Variants in IGSF10 observed in about 807,000 individuals in gnomAD.
The protein encoded by IGSF10 is immunoglobulin superfamily member 10, also known as calvaria mechanical force protein 608.
A neutral mutation model predicts 128.2 loss-of-function variants in IGSF10; 126 were observed. The ratio of observed to expected loss-of-function variants is 0.98; its 90% CI spans 0.85 to 1.14. The LOEUF is 1.14. Among genes scored for constraint, IGSF10 ranks in the 50% most tolerant of loss-of-function variants. The pLI, the probability that IGSF10 is intolerant of heterozygous loss-of-function variation, is 0.00. For synonymous variants in IGSF10, 1,185 were observed against 1,146.2 expected (o/e 1.03, Z -0.68); for missense variants, 3,295 against 3,149.8 (o/e 1.05, Z -1.10).
the IGSF10 span, among the ~76,000 whole-genome samples, chr3:151,541,893 A>G: frequency 3.3e-5 from 5 of 152,306 alleles, no homozygotes; most frequent in Admixed American, 2.6e-4. Context: ...AAGAAAAGCA[A>G]CTTTCCTTAG....
intron 7 of IGSF10, among the ~76,000 whole-genome samples, chr3:151,440,017 TCTC>T (rs374159393): frequency 6.9e-4 from 105 of 151,936 alleles, no homozygotes; most frequent in African/African-American, 2.4e-3. Context: ...CATTTCTCTC[TCTC>T]CTATTTTCTA....
upstream of IGSF10, among the ~76,000 whole-genome samples, chr3:151,465,638 A>T (rs1414362508): frequency 6.6e-6 from 1 of 152,222 alleles, no homozygotes; most frequent in African/African-American, 2.4e-5. Context: ...GGAAATGGCA[A>T]ATGAGGCACA....
At chr3:151,566,377 A>G in the IGSF10 span, among the ~76,000 whole-genome samples, 1 of 152,164 alleles carries the variant, frequency 6.6e-6, no homozygotes, top group Non-Finnish European at 1.5e-5. Context: ...GTTCTACTTA[A>G]TAAGTACAAC....
chr3:151,599,207 T>A, the IGSF10 span, among the ~76,000 whole-genome samples: 1 of 151,556 alleles, frequency 6.6e-6, no homozygotes, highest in Non-Finnish European at 1.5e-5. Context: ...GCTTGTGGTG[T>A]GTCAAGAAGT....
chr3:151,546,136 A>G, the IGSF10 span, among the ~76,000 whole-genome samples: 1 of 151,532 alleles, frequency 6.6e-6, no homozygotes, highest in Non-Finnish European at 1.5e-5. Context: ...TCAACCTGGG[A>G]GCATCAAAAA....
At chr3:151,617,006 G>A in the IGSF10 span, among the ~76,000 whole-genome samples, 6 of 152,156 alleles carry the variant, frequency 3.9e-5, no homozygotes, top group Admixed American at 6.5e-5. Context: ...AGGGCCCAAT[G>A]CCTGCACTGG....
downstream of IGSF10, chr3:151,434,475 T>C (rs1719871720): frequency 6.6e-6 from 1 of 152,226 alleles, no homozygotes; most frequent in South Asian, 2.1e-4. Flanking sequence ...TGCCAAAACA[T>C]TAAAAACTAT....
At chr3:151,596,698 A>G in the IGSF10 span, among the ~76,000 whole-genome samples, 1 of 152,128 alleles carries the variant, frequency 6.6e-6, no homozygotes, top group South Asian at 2.1e-4. Flanking sequence ...AATGGGCCCA[A>G]TTTATGCTGG....
In IGSF10 at chr3:151,446,424, G is replaced by T. The variant is rs1169364682; in HGVS notation, c.3557C>A (p.Thr1186Asn). 1 of 1,614,032 alleles carries T rather than the reference G, an allele frequency of 6.2e-7. No individual in the cohort carries two copies. The highest frequency in any genetic ancestry group is 8.5e-7 in the Non-Finnish European group (1 of 1,179,904). ...GGCTATAATAGTCATTGGTGGCTTG[G>T]TGATAGCACCTGAAAGTGACGATGT... ...VITSSLSGAITKPPMTIIAIT... is the reference protein window; with the variant it reads ...VITSSLSGAINKPPMTIIAIT... The change falls in exon 6 of 8, where the codon ACC (threonine) becomes AAC (asparagine). Residue 1186 changes from threonine (T) to asparagine (N), a missense_variant. Coordinates refer to ENST00000282466, the MANE Select transcript of IGSF10 (RefSeq NM_178822.5).
the IGSF10 span, among the ~76,000 whole-genome samples, chr3:151,502,205 A>T: frequency 6.6e-6 from 1 of 152,082 alleles, no homozygotes; most frequent in Non-Finnish European, 1.5e-5. Context: ...GACAAGTTTT[A>T]TCTTTTTTTT....
chr3:151,484,346 C>T, the IGSF10 span, among the ~76,000 whole-genome samples: 4 of 152,198 alleles, frequency 2.6e-5, no homozygotes, highest in African/African-American at 7.2e-5. Flanking sequence ...GGACACAGCA[C>T]ATGGCGGGAG....
At chr3:151,590,439 C>T in the IGSF10 span, among the ~76,000 whole-genome samples, 11 of 152,070 alleles carry the variant, frequency 7.2e-5, no homozygotes, top group African/African-American at 1.9e-4. Flanking sequence ...AGAGGAAGAG[C>T]CCTTGAAATA....
chr3:151,504,151 G>A, the IGSF10 span, among the ~76,000 whole-genome samples: 12 of 152,190 alleles, frequency 7.9e-5, no homozygotes, highest in Non-Finnish European at 5.9e-5. Flanking sequence ...TCTGGAAAAG[G>A]CGATTACCAC....
At chr3:151,550,787 C>G in the IGSF10 span, among the ~76,000 whole-genome samples, 2 of 152,058 alleles carry the variant, frequency 1.3e-5, no homozygotes, top group Non-Finnish European at 2.9e-5. Flanking sequence ...GTCCATGTAC[C>G]CTGGAGTTGA....
the IGSF10 span, among the ~76,000 whole-genome samples, chr3:151,506,445 A>G: frequency 0.82 from 124,548 of 152,160 alleles, 51,055 homozygotes; most frequent in Middle Eastern, 0.93. Context: ...CTATTTTGAA[A>G]CTCTTTTGTC....
At chr3:151,515,683 T>A in the IGSF10 span, among the ~76,000 whole-genome samples, 1 of 149,128 alleles carries the variant, frequency 6.7e-6, no homozygotes, top group Non-Finnish European at 1.5e-5. Flanking sequence ...CCAAAAAATA[T>A]ATAATATATA....
the IGSF10 span, among the ~76,000 whole-genome samples, chr3:151,509,405 C>T: frequency 2.0e-5 from 3 of 152,316 alleles, no homozygotes; most frequent in Admixed American, 1.3e-4. Flanking sequence ...AAAAGGACAG[C>T]AGTCCAATGT....
the IGSF10 span, among the ~76,000 whole-genome samples, chr3:151,526,144 G>A: frequency 7.2e-5 from 11 of 152,262 alleles, no homozygotes; most frequent in East Asian, 2.1e-3. Context: ...AGAACTGAAA[G>A]GGAAAAGTTT....
At chr3:151,554,698 A>G in the IGSF10 span, among the ~76,000 whole-genome samples, 3 of 152,178 alleles carry the variant, frequency 2.0e-5, no homozygotes, top group African/African-American at 4.8e-5. Flanking sequence ...AATTGTACCA[A>G]AAACTATCAT....
Sources: gnomAD v4.1 joint callset for allele counts (sites outside exome capture counted in the v4.1 genomes callset) on GRCh38, gnomAD v4.1.1 for gene constraint, MANE v1.5 for transcripts, NCBI Gene and HGNC (gene_info 2026-07-23, HGNC 2026-07-21) for gene names.